ZNF385B: variants seen among roughly 807,000 people sequenced by gnomAD.
ZNF385B encodes the protein zinc finger protein 533.
A neutral mutation model predicts 39.2 loss-of-function variants in ZNF385B; 23 were observed. The observed-to-expected ratio is 0.59, with a 90% confidence interval of 0.42 to 0.83. The LOEUF (loss-of-function observed/expected upper bound fraction) is 0.83. Ranked by LOEUF, ZNF385B falls within the 40% of genes least tolerant of loss-of-function variation. The probability of loss-of-function intolerance (pLI) is 0.00; values close to 1 mark genes in which losing one functional copy is unlikely to be tolerated. For synonymous variants in ZNF385B, 205 were observed against 222.6 expected (o/e 0.92, Z 0.70); for missense variants, 552 against 598.9 (o/e 0.92, Z 0.82).
At chr2:179,444,058 T>A (rs2049222432) in intron 9 of ZNF385B, among the ~76,000 whole-genome samples, 1 of 152,210 alleles carries the variant, frequency 6.6e-6, no homozygotes, top group African/African-American at 2.4e-5. Flanking sequence ...AACTCTCTAT[T>A]TAACGGAATG....
At chr2:179,485,332 C>T (rs1429569390) in intron 5 of ZNF385B, among the ~76,000 whole-genome samples, 1 of 152,178 alleles carries the variant, frequency 6.6e-6, no homozygotes, top group African/African-American at 2.4e-5. Context: ...CTACTAGAGA[C>T]AAAGCACTCT....
At chr2:179,852,823 T>C (rs985045295) in intron 1 of ZNF385B, among the ~76,000 whole-genome samples, 15 of 152,226 alleles carry the variant, frequency 9.9e-5, no homozygotes, top group African/African-American at 3.4e-4. Flanking sequence ...TCCATGAATC[T>C]GTATCTTTAG....
chr2:179,650,031 A>C (rs1393761766), intron 3 of ZNF385B, among the ~76,000 whole-genome samples: 2 of 152,244 alleles, frequency 1.3e-5, no homozygotes. Context: ...CCCAGTGCTC[A>C]GCACAGAGCC....
chr2:179,444,652 G>A (rs1222483128), intron 9 of ZNF385B, among the ~76,000 whole-genome samples: 1 of 152,150 alleles, frequency 6.6e-6, no homozygotes, highest in African/African-American at 2.4e-5. Flanking sequence ...AAACAACTTG[G>A]TAAAGAGTAA....
At chr2:179,663,181 G>T (rs888163009) in intron 3 of ZNF385B, among the ~76,000 whole-genome samples, 2 of 152,136 alleles carry the variant, frequency 1.3e-5, no homozygotes, top group African/African-American at 2.4e-5. Context: ...ACATATTTAA[G>T]TTATTGTTTT....
chr2:179,615,115 T>C (rs872160), intron 3 of ZNF385B, among the ~76,000 whole-genome samples: 50,390 of 152,102 alleles, frequency 0.33, 8,703 homozygotes, highest in Middle Eastern at 0.46. Context: ...GTTACACTTT[T>C]ACTGCTGTCA....
rs570641348 is a variant in ZNF385B at position 179,581,662 on chromosome 2, T to C, written c.299-36693A>G. The stretch of plus-strand genomic sequence containing the variant: ...AGTTGTCTTTCCAATCTCCAAAATA[T>C]CAGAAGTATGAGCTCAGCAAATTGC... On this transcript the variant is annotated intron_variant, in intron 3 of 9. Coordinates refer to ENST00000410066, the MANE Select transcript of ZNF385B (RefSeq NM_152520.6). Among the ~76,000 whole-genome samples, 6 of 152,314 alleles carry C rather than the reference T, an allele frequency of 3.9e-5. No individual in the cohort carries two copies. In the East Asian group the frequency reaches 1.2e-3, roughly 29 times the overall value.
chr2:179,565,866 T>C (rs756769588), intron 3 of ZNF385B, among the ~76,000 whole-genome samples: 2 of 152,256 alleles, frequency 1.3e-5, no homozygotes, highest in Non-Finnish European at 2.9e-5. Context: ...ATTACAGTAC[T>C]TAAGACTGTT....
At chr2:179,636,105 T>G (rs1359837961) in intron 3 of ZNF385B, among the ~76,000 whole-genome samples, 1 of 152,216 alleles carries the variant, frequency 6.6e-6, no homozygotes, top group African/African-American at 2.4e-5. Context: ...TTATTAGAGA[T>G]CAATTAGAAC....
chr2:179,639,042 C>T (rs566849190), intron 3 of ZNF385B, among the ~76,000 whole-genome samples: 25 of 151,824 alleles, frequency 1.6e-4, no homozygotes, highest in African/African-American at 6.0e-4. Context: ...AACATGACAA[C>T]AATCCCATCT....
chr2:179,803,368 T>C (rs528571548), intron 1 of ZNF385B, among the ~76,000 whole-genome samples: 29 of 152,226 alleles, frequency 1.9e-4, no homozygotes, highest in African/African-American at 6.5e-4. Flanking sequence ...GTGCCACCCA[T>C]GGGAAGCAAT....
intron 6 of ZNF385B, among the ~76,000 whole-genome samples, chr2:179,447,008 T>C (rs2049569962): frequency 6.6e-6 from 1 of 152,154 alleles, no homozygotes; most frequent in African/African-American, 2.4e-5. Flanking sequence ...AATGACTTTG[T>C]TCTCCCAGTT....
intron 4 of ZNF385B, among the ~76,000 whole-genome samples, chr2:179,535,338 ATTATTGGGTAC>A (rs1342638833): frequency 6.6e-6 from 1 of 152,244 alleles, no homozygotes. Flanking sequence ...AGCCATGGGA[ATTATTGGGTAC>A]TTAAAAAAAT....
At chr2:179,488,410 C>A (rs2054846326) in intron 5 of ZNF385B, among the ~76,000 whole-genome samples, 2 of 152,224 alleles carry the variant, frequency 1.3e-5, no homozygotes, top group South Asian at 4.1e-4. Flanking sequence ...TCCCAAAGTG[C>A]TGGGATTACA....
rs2058272682 is a variant in ZNF385B, at chr2:179,518,740, T to C, written c.442-102A>G. On this transcript the variant is annotated intron_variant, in intron 4 of 9. Transcript: ENST00000410066. ...AAATATTCCATAAAGTTTAAACTTT[T>C]AGTTCCTAAACAAAGATAATAAAGA... 18 of 629,386 alleles carry C rather than the reference T, an allele frequency of 2.9e-5. No individual in the cohort carries two copies. The South Asian group carries it at 5.3e-4, about 19-fold the overall frequency. The allele number at this position is 629,386 out of a possible 1,614,324, so 39.0% of individuals were successfully genotyped here.
intron 1 of ZNF385B, among the ~76,000 whole-genome samples, chr2:179,826,498 A>C (rs1707690724): frequency 6.6e-6 from 1 of 152,162 alleles, no homozygotes; most frequent in Non-Finnish European, 1.5e-5. Context: ...ATCTCTGTGA[A>C]GCAAAGAGGG....
intron 3 of ZNF385B, among the ~76,000 whole-genome samples, chr2:179,578,383 C>A (rs534354880): frequency 3.7e-4 from 56 of 152,188 alleles, no homozygotes; most frequent in African/African-American, 1.2e-3. Context: ...TAAGCCATAT[C>A]TTAAAACTGT....
At chr2:179,536,961 G>A (rs2059602654) in intron 4 of ZNF385B, among the ~76,000 whole-genome samples, 1 of 152,140 alleles carries the variant, frequency 6.6e-6, no homozygotes, top group African/African-American at 2.4e-5. Flanking sequence ...AAATCTTGAG[G>A]CTTTTGAGTA....
At chr2:179,743,293 T>C (rs1284311742) in intron 3 of ZNF385B, among the ~76,000 whole-genome samples, 1 of 152,040 alleles carries the variant, frequency 6.6e-6, no homozygotes, top group Non-Finnish European at 1.5e-5. Context: ...TGATGATTTG[T>C]GACATAACAT....
Sources: gnomAD v4.1 joint callset for allele counts (sites outside exome capture counted in the v4.1 genomes callset) on GRCh38, gnomAD v4.1.1 for gene constraint, MANE v1.5 for transcripts, NCBI Gene and HGNC (gene_info 2026-07-23, HGNC 2026-07-21) for gene names.